ARGFX: variants seen among roughly 807,000 people sequenced by gnomAD.
ARGFX encodes the protein arginine-fifty homeobox.
In ARGFX, 10 loss-of-function variants were observed where a neutral mutation model predicts 8.0. The observed-to-expected ratio is 1.25, with a 90% CI of 0.77 to 2.12. The LOEUF (loss-of-function observed/expected upper bound fraction) is 2.12, where lower values mean the gene tolerates loss of function less well. ARGFX is among the 30% of genes most tolerant of loss of function. ARGFX has a pLI of 0.00. For missense variants in ARGFX, 282 were observed against 324.3 expected (o/e 0.87, Z 1.00); for synonymous variants, 116 against 117.8 (o/e 0.98, Z 0.10).
At position 121,576,790 on chromosome 3, in the gene ARGFX, C is replaced by T; in HGVS notation, c.110C>T (p.Thr37Ile). The T allele has an allele frequency of 2.5e-6, 1 of 395,762 alleles. No individual in the cohort carries two copies. Among genetic ancestry groups the T allele is most frequent in the South Asian group, 1.7e-5 (1 of 57,630 alleles). The allele number at this position is 395,762 out of a possible 1,614,324, so 24.5% of individuals were successfully genotyped here. ...TTTTCTTTTTTTGAGACAGGTTTCA[C>T]TCTGTTATCCAAGCTGGAGTGCAGT... ...PPQDPASPSF[T>I]LLSKLECSGT... The change falls in exon 3 of 5, where the codon ACT becomes ATT. Residue 37 changes from threonine to isoleucine, a missense_variant. Coordinates refer to ENST00000334384, the MANE Select transcript of ARGFX (RefSeq NM_001012659.2).
rs1328015610 is a variant in ARGFX, at chr3:121,577,255, A to ATTT, written c.220+356_220+357insTTT. Among the ~76,000 whole-genome samples, 161 of 56,086 alleles carry ATTT rather than the reference A, an allele frequency of 2.9e-3. 2 individuals are homozygous for ATTT. The highest frequency in any genetic ancestry group is 0.011 in the African/African-American group (136 of 12,612). The allele number at this position is 56,086 out of a possible 152,430, so 36.8% of individuals were successfully genotyped here. On this transcript the variant is annotated intron_variant, in intron 3 of 4. Coordinates refer to ENST00000334384, the MANE Select transcript of ARGFX (RefSeq NM_001012659.2). ...TATATATATATATATATATATATAT[A>ATTT]TATATTTTTTTTTTTTTAAATGGAG...
At chr3:121,573,848 CAAAAAA>C (rs35593006) in intron 2 of ARGFX, among the ~76,000 whole-genome samples, 33 of 59,030 alleles carry the variant, frequency 5.6e-4, no homozygotes, top group Middle Eastern at 0.014. Flanking sequence ...AACTCCATCT[CAAAAAA>C]AAAAAAAAAA....
At position 121,580,100 on chromosome 3, in the gene ARGFX, G is replaced by A. The variant is rs576070748; in HGVS notation, c.220+3200G>A. Among the ~76,000 whole-genome samples the A allele has an allele frequency of 2.2e-4, 33 of 151,584 alleles. No homozygotes were observed. The South Asian group carries it at 5.0e-3, about 23-fold the overall frequency. ...CCCGAGTAGCTGGGAATACAGGTGCGTGCCACTACACCCTTTTTTGTAGAG... is the reference window on the plus strand; with the variant it reads ...CCCGAGTAGCTGGGAATACAGGTGCATGCCACTACACCCTTTTTTGTAGAG... On this transcript the variant is annotated intron_variant, in intron 3 of 4. Transcript: ENST00000334384.
At chr3:121,571,257 T>C (rs993967448) in intron 2 of ARGFX, among the ~76,000 whole-genome samples, 1 of 152,196 alleles carries the variant, frequency 6.6e-6, no homozygotes, top group African/African-American at 2.4e-5. Context: ...TTCTGAAATA[T>C]ATATTTGTTA....
intron 3 of ARGFX, among the ~76,000 whole-genome samples, chr3:121,582,084 A>C (rs1263515784): frequency 6.6e-6 from 1 of 152,100 alleles, no homozygotes; most frequent in African/African-American, 2.4e-5. Context: ...TAAATGAATA[A>C]ATCAAGTTCT....
chr3:121,583,637 C>T (rs1272729425), intron 3 of ARGFX, among the ~76,000 whole-genome samples: 1 of 151,910 alleles, frequency 6.6e-6, no homozygotes, highest in Non-Finnish European at 1.5e-5. Context: ...AGCAATCCTC[C>T]CACCTCAGCC....
intron 2 of ARGFX, among the ~76,000 whole-genome samples, chr3:121,574,732 A>G (rs66483754): frequency 0.28 from 42,381 of 152,080 alleles, 6,325 homozygotes; most frequent in East Asian, 0.61. Context: ...CCAGTTTGTG[A>G]CCCAGGGGAT....
intron 3 of ARGFX, among the ~76,000 whole-genome samples, chr3:121,581,079 G>A (rs771528470): frequency 1.3e-5 from 2 of 151,930 alleles, no homozygotes; most frequent in Admixed American, 6.6e-5. Flanking sequence ...GGGTTCAAGC[G>A]ACTCTCGTGC....
rs754021439 is a variant in ARGFX, at chr3:121,589,149, TG to T, written c.*2550del. ...GTGACTGTGCCACTGCACTCCAGCT[TG>T]AGCAACACAGTGATACTGTCTCAAT... On this transcript the variant is annotated 3_prime_UTR_variant, in exon 5 of 5. Transcript: ENST00000334384. Among the ~76,000 whole-genome samples, 6 of 152,146 alleles carry T rather than the reference TG, an allele frequency of 3.9e-5. No individual in the cohort carries two copies. The highest frequency in any genetic ancestry group is 8.8e-5 in the Non-Finnish European group (6 of 68,028).
chr3:121,581,442 T>C (rs2048779517), intron 3 of ARGFX, among the ~76,000 whole-genome samples: 1 of 152,214 alleles, frequency 6.6e-6, no homozygotes, highest in African/African-American at 2.4e-5. Flanking sequence ...CTTTACACTT[T>C]GCATATCTCA....
In ARGFX at chr3:121,587,081, C is replaced by T. The variant is rs1300693130; in HGVS notation, c.*481C>T. ...ATTTTTTTTTTTTGAGACTGAGTCT[C>T]GCACTGTCACCCAGGGTGGAGTGCA... On this transcript the variant is annotated 3_prime_UTR_variant, in exon 5 of 5. Coordinates refer to ENST00000334384, the MANE Select transcript of ARGFX (RefSeq NM_001012659.2). 8.6e-5 allele frequency among the ~76,000 whole-genome samples: 13 copies of T among 151,650 alleles called. No individual in the cohort carries two copies. Among genetic ancestry groups the T allele is most frequent in the Non-Finnish European group, 1.5e-5 (1 of 67,906 alleles).
rs2108839514 is a variant in ARGFX at position 121,586,036 on chromosome 3, C to T, written c.384C>T (p.Asn128=). 4.4e-6 allele frequency: 7 copies of T among 1,576,860 alleles called. No individual in the cohort carries two copies. Among genetic ancestry groups the T allele is most frequent in the Non-Finnish European group, 6.0e-6 (7 of 1,162,650 alleles). The change falls in exon 5 of 5, where the codon AAC becomes AAT. Residue 128 remains asparagine, a synonymous_variant. Coordinates refer to ENST00000334384, the MANE Select transcript of ARGFX (RefSeq NM_001012659.2). ...CCTACTCCCAGGTTTGGTTCAGGAA[C>T]CGGCGATTCAAATTGAAGAAGCAGC... is the stretch of plus-strand genomic sequence containing the variant. ...PESTVKVWFR[N]RRFKLKKQQQ...
rs1472580092 is a variant in ARGFX at position 121,587,410 on chromosome 3, C to T, written c.*810C>T. On this transcript the variant is annotated 3_prime_UTR_variant, in exon 5 of 5. Coordinates refer to ENST00000334384, the MANE Select transcript of ARGFX (RefSeq NM_001012659.2). ...CCATGTTGCCCAGGCTGGTCTCCAA[C>T]TCCTGGACTTAACGCCATCCACCTG... Among the ~76,000 whole-genome samples, 1 of 151,436 alleles carries T rather than the reference C, an allele frequency of 6.6e-6. No homozygotes were observed. The highest frequency in any genetic ancestry group is 1.5e-5 in the Non-Finnish European group (1 of 67,832).
chr3:121,586,600 AC>A lies in ARGFX; in HGVS notation c.*2del. The A allele has an allele frequency of 6.2e-7, 1 of 1,608,518 alleles. No individual in the cohort carries two copies. Among genetic ancestry groups the A allele is most frequent in the Non-Finnish European group, 8.5e-7 (1 of 1,176,900 alleles). ...ATATGGTAGACTTGGGATTTCTCTG[AC>A]CAGAGTACTAATAAATATAGATCAT... is the stretch of plus-strand genomic sequence containing the variant. On this transcript the variant is annotated 3_prime_UTR_variant, in exon 5 of 5. Coordinates refer to ENST00000334384, the MANE Select transcript of ARGFX (RefSeq NM_001012659.2).
At chr3:121,577,259 A>ATATTTTTT (rs1403064031) in intron 3 of ARGFX, among the ~76,000 whole-genome samples, 62 of 59,608 alleles carry the variant, frequency 1.0e-3, no homozygotes, top group African/African-American at 3.1e-3. Flanking sequence ...ATATATATAT[A>ATATTTTTT]TTTTTTTTTT....
intron 2 of ARGFX, among the ~76,000 whole-genome samples, chr3:121,573,753 C>T (rs1401364634): frequency 7.0e-6 from 1 of 143,074 alleles, no homozygotes; most frequent in East Asian, 2.1e-4. Context: ...GAGGCTGAGG[C>T]AGGAGAATCA....
chr3:121,570,227 T>G (rs1421302392), intron 1 of ARGFX, among the ~76,000 whole-genome samples: 1 of 152,222 alleles, frequency 6.6e-6, no homozygotes, highest in Non-Finnish European at 1.5e-5. Flanking sequence ...GAGAATGTCT[T>G]CATTTCACCT....
Position 121,586,328 on chromosome 3 carries a change from G to C in ARGFX, c.676G>C (p.Asp226His). 6.2e-7 allele frequency: 1 copy of C among 1,614,190 alleles called. No homozygotes were observed. The part of the protein sequence containing the change: ...SVPALYSDAY[D>H]IFQIIELYNL... Reference sequence around the variant, plus strand: ...TCCTGCTTTGTACTCTGATGCCTATGACATATTCCAAATCATAGAACTGTA... The same window carrying C: ...TCCTGCTTTGTACTCTGATGCCTATCACATATTCCAAATCATAGAACTGTA... Residue 226 changes from aspartate (D) to histidine (H), a missense_variant, in exon 5 of 5, where the codon GAC becomes CAC. Physicochemically the swap from Asp to His is moderately conservative, Grantham distance 81. Coordinates refer to ENST00000334384, the MANE Select transcript of ARGFX (RefSeq NM_001012659.2).
At chr3:121,574,128 C>G (rs543129772) in intron 2 of ARGFX, among the ~76,000 whole-genome samples, 1 of 152,048 alleles carries the variant, frequency 6.6e-6, no homozygotes, top group African/African-American at 2.4e-5. Context: ...AATAGACTTA[C>G]CAGTTCAAGA....
Sources: gnomAD v4.1 joint callset for allele counts (sites outside exome capture counted in the v4.1 genomes callset) on GRCh38, gnomAD v4.1.1 for gene constraint, MANE v1.5 for transcripts, NCBI Gene and HGNC (gene_info 2026-07-23, HGNC 2026-07-21) for gene names.